Variants in VPS54 observed in about 807,000 individuals in gnomAD.
VPS54 encodes VPS54 subunit of GARP complex.
Under a neutral mutation model 121.5 loss-of-function variants are expected in VPS54, and 45 were observed. The ratio of observed to expected loss-of-function variants is 0.37; its 90% CI spans 0.29 to 0.47. The LOEUF is 0.47. Among genes scored for constraint, VPS54 ranks in the 20% least tolerant of loss-of-function variants. VPS54 has a pLI of 0.99. For synonymous variants in VPS54, 371 were observed against 385.8 expected (o/e 0.96, Z 0.45); for missense variants, 1,090 against 1,131.4 (o/e 0.96, Z 0.52).
At position 63,962,079 on chromosome 2, in the gene VPS54, A is replaced by C; in HGVS notation, c.989T>G (p.Leu330Arg). 6.3e-7 allele frequency: 1 copy of C among 1,577,942 alleles called. No homozygotes were observed. Among genetic ancestry groups the C allele is most frequent in the Non-Finnish European group, 8.7e-7 (1 of 1,155,116 alleles). Residue 330 changes from leucine (L) to arginine (R), a missense_variant, in exon 7 of 23, where the codon CTT becomes CGT. Physicochemically the swap from Leu to Arg is moderately radical, Grantham distance 102. Transcript: ENST00000272322. ...ATACCGGAAACTGTGAATGCCCTGA[A>C]GTTCCTGCTGTAGAACCTCTTGTGT... ...ATTQEVLQQE[L>R]QGIHSFRHLG...
chr2:64,006,306 A>C (rs933218548), intron 1 of VPS54, among the ~76,000 whole-genome samples: 15 of 152,362 alleles, frequency 9.8e-5, no homozygotes, highest in African/African-American at 3.6e-4. Flanking sequence ...CTAAAAATAT[A>C]AATCCAAAAT....
At chr2:63,989,220 C>G (rs1559042872) in intron 1 of VPS54, among the ~76,000 whole-genome samples, 1 of 152,182 alleles carries the variant, frequency 6.6e-6, no homozygotes, top group Non-Finnish European at 1.5e-5. Flanking sequence ...CCGGGAACCT[C>G]ATTAGTAATT....
intron 7 of VPS54, among the ~76,000 whole-genome samples, chr2:63,953,199 T>G (rs540172008): frequency 2.0e-5 from 3 of 146,766 alleles, no homozygotes; most frequent in African/African-American, 7.5e-5. Context: ...TGGTGCAATC[T>G]CAGCTCACTG....
At chr2:63,893,557 A>G (rs772991370) in intron 22 of VPS54, 22 bp from the exon 23 acceptor site, 1 of 1,589,298 alleles carries the variant, frequency 6.3e-7, no homozygotes, top group African/African-American at 1.4e-5. Context: ...AGAGAAAATT[A>G]TTTTTTAAAT....
chr2:63,966,340 T>C (rs530361752), intron 5 of VPS54, among the ~76,000 whole-genome samples: 58 of 152,220 alleles, frequency 3.8e-4, no homozygotes, highest in Non-Finnish European at 6.3e-4. Flanking sequence ...TATCAATTTC[T>C]CTAACCTATA....
chr2:63,930,980 G>T (rs1384018738), intron 12 of VPS54, among the ~76,000 whole-genome samples: 2 of 152,154 alleles, frequency 1.3e-5, no homozygotes, highest in African/African-American at 4.8e-5. Flanking sequence ...CCTCTTCAAG[G>T]AGAACTACAA....
intron 7 of VPS54, among the ~76,000 whole-genome samples, chr2:63,957,767 T>C (rs1047951824): frequency 3.3e-5 from 5 of 152,138 alleles, no homozygotes; most frequent in African/African-American, 1.2e-4. Context: ...ACCACTTTAA[T>C]TACAAATCAT....
chr2:64,011,310 G>A (rs528486930), intron 1 of VPS54, among the ~76,000 whole-genome samples: 32 of 152,312 alleles, frequency 2.1e-4, no homozygotes, highest in Middle Eastern at 6.8e-3. Context: ...GCTCATGCCT[G>A]TAATCCCAGC....
intron 12 of VPS54, among the ~76,000 whole-genome samples, chr2:63,929,667 G>T (rs2104474059): frequency 6.7e-6 from 1 of 149,092 alleles, no homozygotes; most frequent in East Asian, 2.0e-4. Context: ...ACTAAGATCA[G>T]AGCAGAACTG....
chr2:63,999,388 T>C (rs1207509450), intron 1 of VPS54, among the ~76,000 whole-genome samples: 10 of 152,238 alleles, frequency 6.6e-5, no homozygotes, highest in Admixed American at 6.5e-4. Flanking sequence ...TAAAAGGTTT[T>C]TTCCTTCGGC....
At chr2:63,955,681 A>G (rs1453956160) in intron 7 of VPS54, among the ~76,000 whole-genome samples, 1 of 152,038 alleles carries the variant, frequency 6.6e-6, no homozygotes, top group Non-Finnish European at 1.5e-5. Flanking sequence ...TTATTTTATA[A>G]TCACAGGTAT....
chr2:63,950,286 T>A (rs2104530439), intron 7 of VPS54, among the ~76,000 whole-genome samples: 1 of 152,332 alleles, frequency 6.6e-6, no homozygotes, highest in South Asian at 2.1e-4. Flanking sequence ...CGTGATGTTC[T>A]ATCGGGGTTC....
At chr2:63,895,399 A>AGCTGAGATCACGCC (rs1672405386) in intron 22 of VPS54, among the ~76,000 whole-genome samples, 1 of 152,230 alleles carries the variant, frequency 6.6e-6, no homozygotes, top group Non-Finnish European at 1.5e-5. Flanking sequence ...GGTTGCAGTG[A>AGCTGAGATCACGCC]GCTGAGATCA....
In VPS54 at chr2:63,942,522, C is replaced by G; in HGVS notation, c.1341G>C (p.Trp447Cys). 6 of 1,597,826 alleles carry G rather than the reference C, an allele frequency of 3.8e-6. No individual in the cohort carries two copies. The highest frequency in any genetic ancestry group is 5.1e-6 in the Non-Finnish European group (6 of 1,171,128). The change falls in exon 11 of 23, where the codon TGG (tryptophan) becomes TGC (cysteine). Residue 447 changes from tryptophan (W) to cysteine (C), a missense_variant. Trp to Cys is a radical substitution (Grantham distance 215, BLOSUM62 -2). This residue lies in a region of VPS54 where 801 missense variants were observed against 757.0 expected (regional missense o/e 1.06). Transcript: ENST00000272322. ...AGAAAATATCCTTGAGCAGATCAAA[C>G]CACTGGGGAAAATTCAACATTCTCA... is the stretch of plus-strand genomic sequence containing the variant. The part of the protein sequence containing the change: ...DQMRMLNFPQ[W>C]FDLLKDIFSK...
At chr2:63,940,558 G>A (rs1474458959) in intron 11 of VPS54, among the ~76,000 whole-genome samples, 6 of 152,050 alleles carry the variant, frequency 3.9e-5, no homozygotes, top group South Asian at 4.1e-4. Flanking sequence ...GTGAAACCAC[G>A]TACAGCAGGT....
intron 1 of VPS54, among the ~76,000 whole-genome samples, chr2:64,003,417 A>T (rs1292999130): frequency 6.6e-6 from 1 of 152,130 alleles, no homozygotes; most frequent in Non-Finnish European, 1.5e-5. Flanking sequence ...TTGGTTTCTC[A>T]CACTTAGTCA....
At chr2:63,927,764 AAAG>A (rs1249388508) in intron 12 of VPS54, among the ~76,000 whole-genome samples, 1 of 152,178 alleles carries the variant, frequency 6.6e-6, no homozygotes, top group Non-Finnish European at 1.5e-5. Flanking sequence ...AAAAACCTTG[AAAG>A]AAGATTAGAT....
At chr2:63,919,663 A>C (rs2104449161) in intron 15 of VPS54, among the ~76,000 whole-genome samples, 2 of 152,212 alleles carry the variant, frequency 1.3e-5, no homozygotes, top group South Asian at 4.1e-4. Flanking sequence ...AATGCATGTA[A>C]AGAACATGGT....
At chr2:63,906,254 G>A (rs1450564220) in intron 20 of VPS54, among the ~76,000 whole-genome samples, 2 of 152,178 alleles carry the variant, frequency 1.3e-5, no homozygotes, top group African/African-American at 2.4e-5. Flanking sequence ...CAGACAACAT[G>A]AGTGTGTATG....
Sources: allele counts gnomAD v4.1 joint callset (sites outside exome capture counted in the v4.1 genomes callset), GRCh38; gene constraint gnomAD v4.1.1; regional missense constraint gnomAD v4.1.1; transcripts MANE v1.5; gene names NCBI Gene and HGNC (gene_info 2026-07-23, HGNC 2026-07-21).